The following DLGAP1 variants were observed in gnomAD, a reference collection of about 807,000 sequenced individuals.
DLGAP1 encodes disks large-associated protein 1.
A neutral mutation model predicts 90.8 loss-of-function variants in DLGAP1; 11 were observed. The ratio of observed to expected loss-of-function variants is 0.12; its 90% CI spans 0.08 to 0.20. DLGAP1 has a LOEUF of 0.20. DLGAP1 is among the 10% of genes least tolerant of loss of function. DLGAP1 has a pLI of 1.00. For synonymous variants in DLGAP1, 558 were observed against 540.7 expected, an observed-to-expected ratio of 1.03 and a Z score of -0.44; for missense variants, 1,050 against 1,333.8, an observed-to-expected ratio of 0.79 and a Z score of 3.31.
intron 1 of DLGAP1, among the ~76,000 whole-genome samples, chr18:4,180,185 T>C (rs16946178): frequency 0.027 from 4,069 of 152,258 alleles, 157 homozygotes; most frequent in African/African-American, 0.087. Context: ...AAAGGGCTTA[T>C]CAGGTTTCCT....
chr18:3,944,451 G>C (rs1328909786), intron 3 of DLGAP1, among the ~76,000 whole-genome samples: 1 of 152,242 alleles, frequency 6.6e-6, no homozygotes, highest in East Asian at 1.9e-4. Context: ...GCAGTGAGCT[G>C]AGAGATTGCA....
At position 3,879,670 on chromosome 18, in the gene DLGAP1, G is replaced by C. The variant is rs751121145; in HGVS notation, c.399C>G (p.Asp133Glu). ...CCAGGTGGCGGATGCGGCCGGGGCT[G>C]TCGCTGCGGTGCTCCACGGCCGTGC... ...YKRTAVEHRSDSPGRIRHLVH... is the reference protein window; with the variant it reads ...YKRTAVEHRSESPGRIRHLVH... Residue 133 changes from aspartate to glutamate, a missense_variant, in exon 4 of 13, where the codon GAC becomes GAG. Transcript: ENST00000315677. This position sits in a 1 kb window ranked among gnomAD's most constrained non-coding sequence, Gnocchi z 6.6. 6.2e-7 allele frequency: 1 copy of C among 1,606,604 alleles called. No homozygotes were observed. Among genetic ancestry groups the C allele is most frequent in the South Asian group, 1.1e-5 (1 of 90,996 alleles).
chr18:4,201,854 G>A (rs956062740), intron 1 of DLGAP1, among the ~76,000 whole-genome samples: 4 of 152,010 alleles, frequency 2.6e-5, no homozygotes, highest in Non-Finnish European at 5.9e-5. Context: ...AATGAAAAGC[G>A]AACAGTTATA....
intron 2 of DLGAP1, among the ~76,000 whole-genome samples, chr18:4,145,392 T>C (rs2076568215): frequency 6.6e-6 from 1 of 152,156 alleles, no homozygotes; most frequent in Non-Finnish European, 1.5e-5. Flanking sequence ...ACACATTAAC[T>C]TGAGAGGATT....
chr18:3,754,893 T>TA (rs199726334), intron 5 of DLGAP1, among the ~76,000 whole-genome samples: 245 of 150,736 alleles, frequency 1.6e-3, no homozygotes, highest in African/African-American at 5.6e-3. Context: ...AGACTCCATC[T>TA]AAAAAAAAAT....
rs370007154 is a variant in DLGAP1, at chr18:3,884,458, T to A, written c.-72-4318A>T. 5.1e-4 allele frequency among the ~76,000 whole-genome samples: 77 copies of A among 152,326 alleles called. 1 individual carries two copies. In the South Asian group the frequency reaches 0.016, roughly 31 times the overall value. On this transcript the variant is annotated intron_variant, in intron 3 of 12. Transcript: ENST00000315677. ...TAGATATTTTCTGCTAAATAAAATG[T>A]GAAACTGGCAAGAGCTGAAAACATG...
intron 1 of DLGAP1, among the ~76,000 whole-genome samples, chr18:4,339,321 T>A (rs532403648): frequency 1.1e-3 from 162 of 152,240 alleles, no homozygotes; most frequent in Admixed American, 8.8e-3. Flanking sequence ...GTTTTGTGTG[T>A]GTTGGGAAGG....
intron 1 of DLGAP1, among the ~76,000 whole-genome samples, chr18:4,266,011 G>A (rs911772307): frequency 9.2e-5 from 14 of 151,938 alleles, no homozygotes; most frequent in Non-Finnish European, 1.8e-4. Context: ...ACACTGAATA[G>A]TTCAGTATGA....
intron 4 of DLGAP1, among the ~76,000 whole-genome samples, chr18:3,833,326 C>T (rs2068173311): frequency 6.6e-6 from 1 of 151,650 alleles, no homozygotes; most frequent in Admixed American, 6.6e-5. Flanking sequence ...CTCGATCTTT[C>T]AGGCTCAAGC....
intron 7 of DLGAP1, among the ~76,000 whole-genome samples, chr18:3,587,889 A>G (rs758377777): frequency 1.3e-5 from 2 of 152,240 alleles, no homozygotes; most frequent in African/African-American, 2.4e-5. Flanking sequence ...CCAGACACAG[A>G]ATGACGTTCT....
chr18:4,356,134 A>T (rs906252390), intron 1 of DLGAP1, among the ~76,000 whole-genome samples: 3 of 151,834 alleles, frequency 2.0e-5, no homozygotes, highest in Non-Finnish European at 4.4e-5. Context: ...TGTCTTCAGG[A>T]GGACTTTGTC....
At chr18:4,391,349 C>A (rs2082335853) in intron 1 of DLGAP1, among the ~76,000 whole-genome samples, 1 of 152,084 alleles carries the variant, frequency 6.6e-6, no homozygotes. Context: ...CCTGCTTTTG[C>A]CTTTGGCCAG....
intron 7 of DLGAP1, among the ~76,000 whole-genome samples, chr18:3,640,205 G>T (rs1277330007): frequency 6.6e-6 from 1 of 152,030 alleles, no homozygotes; most frequent in Non-Finnish European, 1.5e-5. Context: ...AAATACAGGG[G>T]TAACTTGACA....
chr18:3,652,786 A>G (rs2059360136), intron 7 of DLGAP1, among the ~76,000 whole-genome samples: 1 of 152,188 alleles, frequency 6.6e-6, no homozygotes. Context: ...ATTCTCACCT[A>G]TGAGGTATAA....
At chr18:3,687,017 TG>T (rs1482742417) in intron 7 of DLGAP1, among the ~76,000 whole-genome samples, 2 of 152,170 alleles carry the variant, frequency 1.3e-5, no homozygotes, top group African/African-American at 4.8e-5. Flanking sequence ...GAACCATTGC[TG>T]GCTTTGAAGA....
At chr18:4,255,816 A>C (rs1006708964) in intron 1 of DLGAP1, among the ~76,000 whole-genome samples, 5 of 152,170 alleles carry the variant, frequency 3.3e-5, no homozygotes, top group African/African-American at 9.7e-5. Context: ...TGAAAGAGAA[A>C]ACATATAAAA....
chr18:3,845,699 G>A (rs2068968135), intron 4 of DLGAP1: 2 of 724,404 alleles, frequency 2.8e-6, no homozygotes, highest in African/African-American at 3.9e-5. Context: ...TCCCCATCAG[G>A]GAACGATCCT....
At chr18:3,712,628 T>G (rs924974892) in intron 7 of DLGAP1, among the ~76,000 whole-genome samples, 1 of 152,158 alleles carries the variant, frequency 6.6e-6, no homozygotes. Context: ...GTGCGTGAAA[T>G]GGCAGTGGTG....
At chr18:3,952,067 TC>T (rs2072997055) in intron 3 of DLGAP1, among the ~76,000 whole-genome samples, 1 of 152,208 alleles carries the variant, frequency 6.6e-6, no homozygotes, top group African/African-American at 2.4e-5. Flanking sequence ...TAGAGAAATT[TC>T]TATAATAGAG....
Sources: gnomAD v4.1 joint callset for allele counts (sites outside exome capture counted in the v4.1 genomes callset) on GRCh38, gnomAD v4.1.1 for gene constraint, Gnocchi (gnomAD v3.1) non-coding constraint, MANE v1.5 for transcripts, NCBI Gene and HGNC (gene_info 2026-07-23, HGNC 2026-07-21) for gene names.